The following PSD2 variants were observed in gnomAD, a reference collection of about 807,000 sequenced individuals.
PSD2 encodes the protein PH and SEC7 domain-containing protein 2.
A neutral mutation model predicts 69.8 loss-of-function variants in PSD2; 38 were observed. That is an observed-to-expected ratio of 0.54 (90% CI 0.42 to 0.71). The LOEUF is 0.71. PSD2 is among the 30% of genes least tolerant of loss of function. The pLI is 0.00. For missense variants in PSD2, 943 were observed against 1,014.5 expected, an observed-to-expected ratio of 0.93 and a Z score of 0.96; for synonymous variants, 412 against 423.0, an observed-to-expected ratio of 0.97 and a Z score of 0.32.
chr5:139,754,222 C>T, the PSD2 span, among the ~76,000 whole-genome samples: 6 of 152,226 alleles, frequency 3.9e-5, no homozygotes, highest in African/African-American at 1.4e-4. Context: ...AATCCCAATA[C>T]TTTGGGAGGC....
chr5:139,747,571 C>A, the PSD2 span, among the ~76,000 whole-genome samples: 1,106 of 152,316 alleles, frequency 7.3e-3, 28 homozygotes, highest in Middle Eastern at 0.014. This position sits in a 1 kb window ranked among gnomAD's most constrained non-coding sequence, Gnocchi z 6.7. Context: ...TGGGTGGCCT[C>A]CTGAAGGCTT....
At chr5:139,820,837 A>G (rs988974591) in intron 5 of PSD2, among the ~76,000 whole-genome samples, 9 of 151,946 alleles carry the variant, frequency 5.9e-5, no homozygotes, top group African/African-American at 2.2e-4. Context: ...GCAGGCGGGT[A>G]TGAGGTTGGA....
At position 139,814,127 on chromosome 5, in the gene PSD2, C is replaced by T. The variant is rs1286003461; in HGVS notation, c.822-43C>T. The T allele has an allele frequency of 6.3e-7, 1 of 1,596,786 alleles. No individual in the cohort carries two copies. Among genetic ancestry groups the T allele is most frequent in the Non-Finnish European group, 8.5e-7 (1 of 1,170,276 alleles). ...CCAGCCTCCTCTGGGGCCTTTGACCCTGGGCCTCTGACGCTACTCTTCCAC... is the reference window on the plus strand; with the variant it reads ...CCAGCCTCCTCTGGGGCCTTTGACCTTGGGCCTCTGACGCTACTCTTCCAC... On this transcript the variant is annotated intron_variant, in intron 3 of 14. Coordinates refer to ENST00000274710, the MANE Select transcript of PSD2 (RefSeq NM_032289.4). The surrounding 1 kb of genome is among the most constrained non-coding windows in gnomAD (Gnocchi z 4.4).
chr5:139,842,407 C>T lies in PSD2; in HGVS notation c.2249C>T (p.Pro750Leu). The T allele has an allele frequency of 6.2e-7, 1 of 1,614,200 alleles. No individual in the cohort carries two copies. The highest frequency in any genetic ancestry group is 8.5e-7 in the Non-Finnish European group (1 of 1,180,024). Residue 750 changes from proline to leucine, a missense_variant, in exon 15 of 15, where the codon CCT becomes CTT. Coordinates refer to ENST00000274710, the MANE Select transcript of PSD2 (RefSeq NM_032289.4). ...DPSLRKTHSS[P>L]ALSQGHVTGS... ...TCTCTCCGGAAGACACATTCAAGCC[C>T]TGCCCTCAGCCAGGGCCATGTGACT...
chr5:139,777,227 G>A, the PSD2 span, among the ~76,000 whole-genome samples: 7 of 152,206 alleles, frequency 4.6e-5, no homozygotes, highest in African/African-American at 1.7e-4. Context: ...GGCCCCTTCT[G>A]TAGTGGCTTT....
At chr5:139,826,651 T>G (rs1226337254) in intron 7 of PSD2, among the ~76,000 whole-genome samples, 1 of 152,038 alleles carries the variant, frequency 6.6e-6, no homozygotes, top group Non-Finnish European at 1.5e-5. Flanking sequence ...TGGGTTTAGT[T>G]AAGGTCACAA....
In PSD2 at chr5:139,837,716, A is replaced by G. The variant is rs781549133; in HGVS notation, c.1757A>G (p.Tyr586Cys). ...GCTCTGGCCACCAGGGCCTCTGACT[A>G]CAGCAAGAAGTCCAACGTGCTGAAG... ...HHALATRASDYSKKSNVLKLK... is the reference protein window; with the variant it reads ...HHALATRASDCSKKSNVLKLK... The change falls in exon 12 of 15, where the codon TAC becomes TGC. Residue 586 changes from tyrosine to cysteine, a missense_variant. Transcript: ENST00000274710. The surrounding 1 kb of genome is among the most constrained non-coding windows in gnomAD (Gnocchi z 5.0). 2 of 1,614,076 alleles carry G rather than the reference A, an allele frequency of 1.2e-6. No homozygotes were observed. Among genetic ancestry groups the G allele is most frequent in the South Asian group, 2.2e-5 (2 of 91,082 alleles).
At chr5:139,743,016 G>T in the PSD2 span, among the ~76,000 whole-genome samples, 1 of 152,234 alleles carries the variant, frequency 6.6e-6, no homozygotes, top group Non-Finnish European at 1.5e-5. Flanking sequence ...GTGGCCCTGT[G>T]GGGGCTCAGA....
chr5:139,772,285 C>G, the PSD2 span, among the ~76,000 whole-genome samples: 1 of 152,132 alleles, frequency 6.6e-6, no homozygotes, highest in African/African-American at 2.4e-5. Flanking sequence ...TTCTCTGAGC[C>G]TGTTTCCTTC....
the PSD2 span, among the ~76,000 whole-genome samples, chr5:139,788,076 C>T: frequency 6.6e-6 from 1 of 152,176 alleles, no homozygotes; most frequent in Admixed American, 6.5e-5. Flanking sequence ...AGCGGGGCTG[C>T]GCTTCGCGGA....
chr5:139,834,873 C>T (rs1374663074), intron 8 of PSD2, among the ~76,000 whole-genome samples: 1 of 151,980 alleles, frequency 6.6e-6, no homozygotes, highest in Non-Finnish European at 1.5e-5. Context: ...CACTCATCCT[C>T]CCATGCATCC....
the PSD2 span, among the ~76,000 whole-genome samples, chr5:139,751,361 A>C: frequency 6.6e-6 from 1 of 152,064 alleles, no homozygotes; most frequent in Admixed American, 6.5e-5. Flanking sequence ...TTTCTTTGGC[A>C]TCTACTGTGT....
At chr5:139,777,591 T>C in the PSD2 span, among the ~76,000 whole-genome samples, 26 of 152,070 alleles carry the variant, frequency 1.7e-4, no homozygotes, top group Non-Finnish European at 3.1e-4. Flanking sequence ...ATGCTAGAAA[T>C]GTGGGGAGCA....
chr5:139,770,732 TCACA>T, the PSD2 span, among the ~76,000 whole-genome samples: 4 of 152,142 alleles, frequency 2.6e-5, no homozygotes, highest in African/African-American at 9.7e-5. Flanking sequence ...CAGCCCCTCC[TCACA>T]CATCATAAGC....
At chr5:139,794,034 G>A (rs1759465085), upstream of PSD2, among the ~76,000 whole-genome samples, 1 of 152,204 alleles carries the variant, frequency 6.6e-6, no homozygotes, top group African/African-American at 2.4e-5. Context: ...GTAGCAGAGG[G>A]CAGGGGGGTA....
chr5:139,834,972 C>A (rs1760680426), intron 8 of PSD2, among the ~76,000 whole-genome samples: 1 of 151,348 alleles, frequency 6.6e-6, no homozygotes, highest in African/African-American at 2.4e-5. Flanking sequence ...CCCTCCCTTC[C>A]CACTCCTCGC....
chr5:139,748,213 A>G, the PSD2 span, among the ~76,000 whole-genome samples: 1 of 149,372 alleles, frequency 6.7e-6, no homozygotes, highest in Non-Finnish European at 1.5e-5. Flanking sequence ...ACCCAGCCAG[A>G]CACGGTTCGA....
At chr5:139,801,370 C>T (rs1338237253) in intron 1 of PSD2, among the ~76,000 whole-genome samples, 1 of 152,146 alleles carries the variant, frequency 6.6e-6, no homozygotes, top group African/African-American at 2.4e-5. Context: ...ATGTTCCTGT[C>T]GCTGCACCCA....
At chr5:139,775,026 G>A in the PSD2 span, among the ~76,000 whole-genome samples, 1 of 152,238 alleles carries the variant, frequency 6.6e-6, no homozygotes, top group Admixed American at 6.5e-5. Context: ...CCTCCTGCCT[G>A]CAGTGCCATT....
Sources: gnomAD v4.1 joint callset for allele counts (sites outside exome capture counted in the v4.1 genomes callset) on GRCh38, gnomAD v4.1.1 for gene constraint, Gnocchi (gnomAD v3.1) non-coding constraint, MANE v1.5 for transcripts, NCBI Gene and HGNC (gene_info 2026-07-23, HGNC 2026-07-21) for gene names.